The following SFXN3 variants were observed in gnomAD, a reference collection of about 807,000 sequenced individuals.
The protein encoded by SFXN3 is sideroflexin 3.
Under a neutral mutation model 40.4 loss-of-function variants are expected in SFXN3, and 31 were observed. The observed-to-expected ratio is 0.77, with a 90% CI of 0.58 to 1.04. The LOEUF is 1.04. SFXN3 is among the 50% of genes least tolerant of loss of function. The pLI is 0.00. For synonymous variants in SFXN3, 157 were observed against 160.0 expected (o/e 0.98, Z 0.14); for missense variants, 366 against 408.2 (o/e 0.90, Z 0.89).
chr10:101,037,483 G>A (rs988985603), intron 9 of SFXN3, 52 bp downstream of exon 9: 71 of 1,613,794 alleles, frequency 4.4e-5, no homozygotes, highest in Non-Finnish European at 5.8e-5. Flanking sequence ...TGGGAGAAGT[G>A]ACCAGGCCCC....
chr10:101,038,643 C>T lies in SFXN3; in HGVS notation c.772C>T (p.Arg258Cys), dbSNP rs752580747. ...CCATTGTCTTTCTGTCTCTCCACAG[C>T]GCCGCCCCTGGCTGGGGGCACCCCT... The change falls in exon 10 of 12, where the codon CGC becomes TGC. Residue 258 changes from arginine (R) to cysteine (C), a missense_variant and splice_region_variant. By Grantham distance (180) the Arg-to-Cys change is radical (BLOSUM62 -3). Coordinates refer to ENST00000393459, the Ensembl canonical transcript of SFXN3. 57 of 1,613,622 alleles carry T rather than the reference C, an allele frequency of 3.5e-5. No homozygotes were observed. Among genetic ancestry groups the T allele is most frequent in the East Asian group, 1.8e-4 (8 of 44,894 alleles).
intron 10 of SFXN3, among the ~76,000 whole-genome samples, 179 bp from the exon 11 acceptor site, chr10:101,038,996 G>A (rs1454811659): frequency 6.6e-6 from 1 of 152,084 alleles, no homozygotes; most frequent in Non-Finnish European, 1.5e-5. Context: ...CTTACTGGTT[G>A]TGGGGCTCTC....
At chr10:101,034,158 G>A (rs1194766627) in intron 2 of SFXN3, among the ~76,000 whole-genome samples, 2 of 152,054 alleles carry the variant, frequency 1.3e-5, no homozygotes, top group Non-Finnish European at 2.9e-5. Context: ...CATCCCACGA[G>A]GCCATATTTC....
Position 101,041,087 on chromosome 10 carries a change from C to G in SFXN3, c.*1502C>G, listed in dbSNP as rs564106448. 1.9e-3 allele frequency: 285 copies of G among 152,354 alleles called. 2 individuals carry two copies. The highest frequency in any genetic ancestry group is 3.5e-3 in the Non-Finnish European group (237 of 68,080). The allele number at this position is 152,354 out of a possible 1,614,324, so 9.4% of individuals were successfully genotyped here. ...CACAGAGTGTAGTTAGATCCCAACTCCCATGACCTCTGGCTTCAGTGGTGG... is the reference window on the plus strand; with the variant it reads ...CACAGAGTGTAGTTAGATCCCAACTGCCATGACCTCTGGCTTCAGTGGTGG... On this transcript the variant is annotated 3_prime_UTR_variant, in exon 12 of 12. Coordinates refer to ENST00000393459, the Ensembl canonical transcript of SFXN3.
Position 101,036,753 on chromosome 10 carries a change from C to T in SFXN3, c.538C>T (p.Pro180Ser). 1 of 1,613,604 alleles carries T rather than the reference C, an allele frequency of 6.2e-7. No homozygotes were observed. Among genetic ancestry groups the T allele is most frequent in the African/African-American group, 1.3e-5 (1 of 75,052 alleles). ...GCCCCCCTTGGTCGGCAGATTTGTG[C>T]CCTTTGCAGCAGTGGCAGCTGCCAA... is the stretch of plus-strand genomic sequence containing the variant. Residue 180 changes from proline to serine, a missense_variant, in exon 7 of 12, where the codon CCC becomes TCC. By Grantham distance (74) the Pro-to-Ser change is moderately conservative. Coordinates refer to ENST00000393459, the Ensembl canonical transcript of SFXN3. The surrounding 1 kb of genome is among the most constrained non-coding windows in gnomAD (Gnocchi z 4.2).
At position 101,036,108 on chromosome 10, in the gene SFXN3, G is replaced by C. The variant is rs775010234; in HGVS notation, c.431+7G>C. 14 of 1,610,076 alleles carry C rather than the reference G, an allele frequency of 8.7e-6. No homozygotes were observed. Among genetic ancestry groups the C allele is most frequent in the Non-Finnish European group, 1.1e-5 (13 of 1,176,952 alleles). On this transcript the variant is annotated splice_region_variant and intron_variant, in intron 5 of 11. Transcript: ENST00000393459. This position sits in a 1 kb window ranked among gnomAD's most constrained non-coding sequence, Gnocchi z 4.2. ...ACACTCCCATCACTGTGAGGTGAGA[G>C]CCAGCCCCCAGCAGCAGCTGCACTG... is the stretch of plus-strand genomic sequence containing the variant.
chr10:101,032,999 T>G (rs1938388590), intron 2 of SFXN3, among the ~76,000 whole-genome samples: 1 of 152,180 alleles, frequency 6.6e-6, no homozygotes, highest in Non-Finnish European at 1.5e-5. Flanking sequence ...GTGCCAGCCC[T>G]GCCTGGCCAG....
rs1564650028 is a variant in SFXN3 at position 101,037,393 on chromosome 10, CT to C, written c.734del (p.Leu245ArgfsTer12). On this transcript the variant is annotated frameshift_variant, in exon 9 of 12. Coordinates refer to ENST00000393459, the Ensembl canonical transcript of SFXN3. LOFTEE classifies it high-confidence loss of function. ...TGCTCTCCCCACAGCCATCCCACCA[CT>C]GATCATGGACACTCTGGAGAAGAAA... 1.9e-6 allele frequency: 3 copies of C among 1,614,178 alleles called. No homozygotes were observed. The highest frequency in any genetic ancestry group is 8.5e-7 in the Non-Finnish European group (1 of 1,180,028).
intron 3 of SFXN3, 24 bp from the exon 4 acceptor site, chr10:101,035,473 T>A (rs1938544955): frequency 6.3e-7 from 1 of 1,584,992 alleles, no homozygotes; most frequent in Admixed American, 1.7e-5. Context: ...GCATAGCCTG[T>A]CTGCTCCTTG....
intron 8 of SFXN3, 78 bp from the exon 9 acceptor site, chr10:101,037,304 G>T: frequency 6.2e-7 from 1 of 1,613,992 alleles, no homozygotes; most frequent in Admixed American, 1.7e-5. Flanking sequence ...GAGGAGCTTT[G>T]AGGGGGGTCA....
chr10:101,037,242 G>A, intron 8 of SFXN3, 39 bp downstream of exon 8: 1 of 1,613,464 alleles, frequency 6.2e-7, no homozygotes, highest in Non-Finnish European at 8.5e-7. Flanking sequence ...AGGAGACTCT[G>A]AGAGAAGCAG....
In SFXN3 at chr10:101,036,801, A is replaced by C; in HGVS notation, c.586A>C (p.Arg196=). 1 of 1,613,304 alleles carries C rather than the reference A, an allele frequency of 6.2e-7. No individual in the cohort carries two copies. Among genetic ancestry groups the C allele is most frequent in the Non-Finnish European group, 8.5e-7 (1 of 1,179,316 alleles). Reference sequence around the variant, plus strand: ...CAACTGCATCAACATCCCCCTGATGAGGCAGAGGTGAGTGACCCCGGCTCC... The same window carrying C: ...CAACTGCATCAACATCCCCCTGATGCGGCAGAGGTGAGTGACCCCGGCTCC... Residue 196 remains arginine (R), a synonymous_variant, in exon 7 of 12, where the codon AGG becomes CGG. Coordinates refer to ENST00000393459, the Ensembl canonical transcript of SFXN3. This position sits in a 1 kb window ranked among gnomAD's most constrained non-coding sequence, Gnocchi z 4.2.
At chr10:101,035,937 A>G in intron 4 of SFXN3, 66 bp from the exon 5 acceptor site, 1 of 1,445,410 alleles carries the variant, frequency 6.9e-7, no homozygotes. Flanking sequence ...CTTTGGTTTC[A>G]TTACAGGGGT....
chr10:101,035,850 G>C (rs1590087660), intron 4 of SFXN3, 153 bp from the exon 5 acceptor site: 1 of 1,103,098 alleles, frequency 9.1e-7, no homozygotes, highest in Non-Finnish European at 1.3e-6. Flanking sequence ...GTATAAATGG[G>C]GGTGGGGGTA....
chr10:101,039,164 G>C lies in SFXN3; in HGVS notation c.822-11G>C. ...AGCTTTACAAACCTTTCCAACACTT[G>C]TCTCCCCCAGCCTGGTATTTGCAAC... On this transcript the variant is annotated splice_polypyrimidine_tract_variant and intron_variant, in intron 10 of 11. Coordinates refer to ENST00000393459, the Ensembl canonical transcript of SFXN3. The surrounding 1 kb of genome is among the most constrained non-coding windows in gnomAD (Gnocchi z 4.6). 3 of 1,607,960 alleles carry C rather than the reference G, an allele frequency of 1.9e-6. No homozygotes were observed. Among genetic ancestry groups the C allele is most frequent in the Non-Finnish European group, 2.6e-6 (3 of 1,174,738 alleles).
Position 101,036,394 on chromosome 10 carries a change from C to T in SFXN3, c.432-92C>T. 8.1e-7 allele frequency: 1 copy of T among 1,232,850 alleles called. No individual in the cohort carries two copies. The highest frequency in any genetic ancestry group is 1.2e-6 in the Non-Finnish European group (1 of 846,530). 76.4% of individuals were successfully genotyped at this position (1,232,850 alleles called of 1,614,324 possible). A position where few individuals can be genotyped will look rare whatever the true frequency, so the allele number is the denominator to read the frequency against. ...CTGCAAGGAGCTTCCCCTTTTATGC[C>T]TCATGTATTGAGGACTTGGCATATC... On this transcript the variant is annotated intron_variant, in intron 5 of 11. Transcript: ENST00000393459. The surrounding 1 kb of genome is among the most constrained non-coding windows in gnomAD (Gnocchi z 4.2).
At position 101,033,410 on chromosome 10, in the gene SFXN3, A is replaced by C. The variant is rs568056216; in HGVS notation, c.-4+928A>C. Among the ~76,000 whole-genome samples the C allele has an allele frequency of 5.9e-5, 9 of 152,340 alleles. 1 individual carries two copies. The South Asian group carries it at 1.9e-3, about 32-fold the overall frequency. ...ATGAAAATCTGTACCAGGATAGAGC[A>C]CAAGGAGATCTGTTTTCCTGTTTCT... On this transcript the variant is annotated intron_variant, in intron 2 of 11. Coordinates refer to ENST00000393459, the Ensembl canonical transcript of SFXN3.
chr10:101,037,205 T>C lies in SFXN3; in HGVS notation c.721+2T>C, dbSNP rs139685753. The C allele has an allele frequency of 4.2e-4, 683 of 1,613,780 alleles. 2 individuals carry two copies. The Middle Eastern group carries it at 0.012, about 28-fold the overall frequency. On this transcript the variant is annotated splice_donor_variant, in intron 8 of 11. Coordinates refer to ENST00000393459, the Ensembl canonical transcript of SFXN3. LOFTEE classifies it high-confidence loss of function. ...TCTGCATGGCGATTCCTGCCATGGG[T>C]AAGGCGGGAGTGGCTGGGTGGGGCA...
rs550507233 is a variant in SFXN3, at chr10:101,038,679, C to T, written c.808C>T (p.Leu270=). Reference sequence around the variant, plus strand: ...GCTGGGGGCACCCCTGCAGGTGGGACTGGTGGGCTTCTGGTAAGTGTGCAA... The same window carrying T: ...GCTGGGGGCACCCCTGCAGGTGGGATTGGTGGGCTTCTGGTAAGTGTGCAA... The change falls in exon 10 of 12, where the codon CTG becomes TTG. Residue 270 remains leucine, a synonymous_variant. Transcript: ENST00000393459. 12 of 1,612,324 alleles carry T rather than the reference C, an allele frequency of 7.4e-6. No homozygotes were observed. In the East Asian group the frequency reaches 2.2e-4, roughly 30 times the overall value.
Sources: gnomAD v4.1 joint callset for allele counts (sites outside exome capture counted in the v4.1 genomes callset) on GRCh38, gnomAD v4.1.1 for gene constraint, Gnocchi (gnomAD v3.1) non-coding constraint, MANE v1.5 for transcripts, NCBI Gene and HGNC (gene_info 2026-07-23, HGNC 2026-07-21) for gene names.